Variants in CTNND2 observed in about 807,000 individuals in gnomAD.
CTNND2 encodes the protein catenin delta 2, also known as catenin delta-2.
In CTNND2, 22 loss-of-function variants were observed where a neutral mutation model predicts 144.4. The ratio of observed to expected loss-of-function variants is 0.15; its 90% CI spans 0.11 to 0.22. The LOEUF (loss-of-function observed/expected upper bound fraction) is 0.22, where lower values mean the gene tolerates loss of function less well. Ranked by LOEUF, CTNND2 falls within the 10% of genes least tolerant of loss-of-function variation. The pLI, the probability that CTNND2 is intolerant of heterozygous loss-of-function variation, is 1.00. For synonymous variants in CTNND2, 751 were observed against 695.6 expected (o/e 1.08, Z -1.25); for missense variants, 1,353 against 1,618.8 (o/e 0.84, Z 2.82).
rs527859080 is a variant in CTNND2 at position 11,815,585 on chromosome 5, T to C, written c.38-83313A>G. Among the ~76,000 whole-genome samples the C allele has an allele frequency of 2.6e-5, 4 of 152,284 alleles. No individual in the cohort carries two copies. In the East Asian group the frequency reaches 7.7e-4, roughly 29 times the overall value. On this transcript the variant is annotated intron_variant, in intron 1 of 21. Transcript: ENST00000304623. ...TTTTTTTCTATATAATTCTATTAAG[T>C]AGTAACTACTACACACTGTTGCACA...
At chr5:11,571,015 A>T (rs1010024243) in intron 2 of CTNND2, among the ~76,000 whole-genome samples, 1 of 152,012 alleles carries the variant, frequency 6.6e-6, no homozygotes. Context: ...TGAATAATTC[A>T]TTGCTATTAT....
chr5:11,599,003 AAG>A (rs780078854), intron 2 of CTNND2, among the ~76,000 whole-genome samples: 9 of 152,172 alleles, frequency 5.9e-5, no homozygotes, highest in Non-Finnish European at 1.0e-4. Context: ...CAGCAGGAGA[AAG>A]AGAGTGAGCA....
chr5:11,277,589 T>C (rs947990967), intron 9 of CTNND2, among the ~76,000 whole-genome samples: 2 of 151,794 alleles, frequency 1.3e-5, no homozygotes, highest in African/African-American at 2.4e-5. Flanking sequence ...TGGAGTGCAG[T>C]GGTACGATCT....
At chr5:11,527,264 A>T (rs984259421) in intron 3 of CTNND2, among the ~76,000 whole-genome samples, 2 of 152,206 alleles carry the variant, frequency 1.3e-5, no homozygotes, top group African/African-American at 4.8e-5. Flanking sequence ...AAAAACTAAG[A>T]TGCAAAGAAG....
rs1738093010 is a variant in CTNND2 at position 11,903,704 on chromosome 5, C to G, written c.37+113G>C. 4.4e-6 allele frequency: 5 copies of G among 1,140,208 alleles called. No homozygotes were observed. In the South Asian group the frequency reaches 9.4e-5, roughly 22 times the overall value. 70.6% of individuals were successfully genotyped at this position (1,140,208 alleles called of 1,614,324 possible). A position where few individuals can be genotyped will look rare whatever the true frequency, so the allele number is the denominator to read the frequency against. ...CAGGCAGAAACCCCGCAGCAGCCGCCGCCGCCGCCTGCCGGCCGGGAGCCC... is the reference window on the plus strand; with the variant it reads ...CAGGCAGAAACCCCGCAGCAGCCGCGGCCGCCGCCTGCCGGCCGGGAGCCC... On this transcript the variant is annotated intron_variant, in intron 1 of 21. Transcript: ENST00000304623. The surrounding 1 kb of genome is among the most constrained non-coding windows in gnomAD (Gnocchi z 5.4).
chr5:11,631,451 T>C (rs1183097511), intron 2 of CTNND2, among the ~76,000 whole-genome samples: 1 of 152,202 alleles, frequency 6.6e-6, no homozygotes, highest in African/African-American at 2.4e-5. Context: ...ACCAACTTAA[T>C]CTTGGAGGGA....
chr5:11,242,284 T>A (rs568247875), intron 9 of CTNND2, among the ~76,000 whole-genome samples: 11 of 152,310 alleles, frequency 7.2e-5, no homozygotes, highest in Admixed American at 6.5e-4. Context: ...TTGTGTGGTT[T>A]ATTTTCATCT....
chr5:11,131,003 C>G (rs1288320007), intron 12 of CTNND2, among the ~76,000 whole-genome samples: 1 of 152,162 alleles, frequency 6.6e-6, no homozygotes, highest in Non-Finnish European at 1.5e-5. Flanking sequence ...ACCATGCTTG[C>G]TAAATGATTT....
At chr5:11,071,020 A>C (rs1748211055) in intron 16 of CTNND2, among the ~76,000 whole-genome samples, 1 of 151,986 alleles carries the variant, frequency 6.6e-6, no homozygotes, top group South Asian at 2.1e-4. Context: ...AAAAAGGCCC[A>C]GGACACAGCA....
chr5:11,295,710 C>T, intron 9 of CTNND2, among the ~76,000 whole-genome samples: 1 of 152,098 alleles, frequency 6.6e-6, no homozygotes, highest in East Asian at 1.9e-4. Context: ...TTTGACAAAC[C>T]TGACAAAAAC....
chr5:11,344,989 T>C (rs1185829460), intron 9 of CTNND2, among the ~76,000 whole-genome samples: 1 of 152,214 alleles, frequency 6.6e-6, no homozygotes, highest in African/African-American at 2.4e-5. Flanking sequence ...AGATAAAATG[T>C]TTATTGTCAA....
At chr5:11,446,730 G>T (rs969348531) in intron 3 of CTNND2, among the ~76,000 whole-genome samples, 1 of 152,150 alleles carries the variant, frequency 6.6e-6, no homozygotes, top group African/African-American at 2.4e-5. Context: ...TGATTCAGGG[G>T]TAAGATGCAC....
Position 11,111,232 on chromosome 5 carries a change from C to T in CTNND2, c.2278-189G>A, listed in dbSNP as rs61754597. 0.015 allele frequency among the ~76,000 whole-genome samples: 2,348 copies of T among 152,254 alleles called. 65 individuals are homozygous for T. The highest frequency in any genetic ancestry group is 0.053 in the African/African-American group (2,198 of 41,540). On this transcript the variant is annotated intron_variant, in intron 13 of 21. Transcript: ENST00000304623. ...GGAGAAACTTAGAAAGGTCTTAGGA[C>T]CTTTTATCCCCCACAAATAAATGAC...
chr5:11,596,228 A>G (rs1210722228), intron 2 of CTNND2, among the ~76,000 whole-genome samples: 3 of 152,212 alleles, frequency 2.0e-5, no homozygotes, highest in Admixed American at 6.5e-5. Context: ...ACTACTAAGA[A>G]TACTGCATCC....
intron 3 of CTNND2, among the ~76,000 whole-genome samples, chr5:11,518,353 G>A (rs1380607943): frequency 6.6e-6 from 1 of 152,164 alleles, no homozygotes; most frequent in Non-Finnish European, 1.5e-5. Context: ...TAAGCCAAGT[G>A]CTATTAGAAA....
intron 7 of CTNND2, among the ~76,000 whole-genome samples, chr5:11,374,236 A>G (rs1227120304): frequency 6.6e-6 from 1 of 152,238 alleles, no homozygotes; most frequent in Non-Finnish European, 1.5e-5. Context: ...CAGGTAGAAT[A>G]AGAAATTATG....
intron 2 of CTNND2, among the ~76,000 whole-genome samples, chr5:11,575,681 G>A (rs945159481): frequency 3.3e-5 from 5 of 152,090 alleles, no homozygotes; most frequent in African/African-American, 9.6e-5. Context: ...TCATGTACTC[G>A]ACTTGACCTG....
At chr5:11,568,717 G>T (rs969340173) in intron 2 of CTNND2, among the ~76,000 whole-genome samples, 5 of 152,174 alleles carry the variant, frequency 3.3e-5, no homozygotes, top group Non-Finnish European at 7.3e-5. Flanking sequence ...TGGGGTAAAT[G>T]GAAAGATGAC....
chr5:10,977,240 A>G lies in CTNND2; in HGVS notation c.3418-3527T>C, dbSNP rs527538371. On this transcript the variant is annotated intron_variant, in intron 21 of 21. Transcript: ENST00000304623. ...ATTACAACTGGCCTGCTCACGTGACAGTGGAACTAAGGACACCAGGAAGGA... is the reference window on the plus strand; with the variant it reads ...ATTACAACTGGCCTGCTCACGTGACGGTGGAACTAAGGACACCAGGAAGGA... Among the ~76,000 whole-genome samples the G allele has an allele frequency of 1.1e-4, 16 of 152,330 alleles. 1 individual carries two copies. The highest frequency in any genetic ancestry group is 6.8e-3 in the Middle Eastern group (2 of 294).
Sources: gnomAD v4.1 joint callset for allele counts (sites outside exome capture counted in the v4.1 genomes callset) on GRCh38, gnomAD v4.1.1 for gene constraint, Gnocchi (gnomAD v3.1) non-coding constraint, MANE v1.5 for transcripts, NCBI Gene and HGNC (gene_info 2026-07-23, HGNC 2026-07-21) for gene names.